Variants in KAZN observed in about 807,000 individuals in gnomAD.
KAZN encodes the protein kazrin, periplakin interacting protein.
In KAZN, 40 loss-of-function variants were observed where a neutral mutation model predicts 87.4. The observed-to-expected ratio is 0.46, with a 90% confidence interval of 0.36 to 0.60. The LOEUF is 0.60. KAZN is among the 20% of genes least tolerant of loss of function. The pLI is 0.00. For missense variants in KAZN, 898 were observed against 1,073.9 expected (o/e 0.84, Z 2.29); for synonymous variants, 466 against 458.3 (o/e 1.02, Z -0.22).
chr1:14,982,417 ATTTTTTTTTTTTTTTTT>A (rs71000353), intron 2 of KAZN, among the ~76,000 whole-genome samples: 1 of 64,790 alleles, frequency 1.5e-5, no homozygotes, highest in Admixed American at 2.1e-4. Flanking sequence ...AGCACCTGAG[ATTTTTTTTTTTTTTTTT>A]TTTTTTTTTT....
chr1:14,605,146 G>T (rs558505295), intron 1 of KAZN, among the ~76,000 whole-genome samples: 7 of 152,174 alleles, frequency 4.6e-5, no homozygotes, highest in Non-Finnish European at 1.0e-4. Flanking sequence ...GCCACAAGAC[G>T]CTGGGGATTC....
intron 1 of KAZN, among the ~76,000 whole-genome samples, chr1:14,654,567 C>A (rs1000870061): frequency 6.6e-6 from 1 of 152,116 alleles, no homozygotes; most frequent in Non-Finnish European, 1.5e-5. Flanking sequence ...CCCACCCCAG[C>A]CTCCCACATT....
chr1:13,902,991 C>A (rs948216496), intron 1 of KAZN, among the ~76,000 whole-genome samples: 18 of 152,158 alleles, frequency 1.2e-4, no homozygotes, highest in African/African-American at 4.3e-4. Context: ...GTGATGGGAA[C>A]CACAAGGCAA....
At chr1:15,087,545 A>G (rs1287676110) in intron 8 of KAZN, among the ~76,000 whole-genome samples, 3 of 152,084 alleles carry the variant, frequency 2.0e-5, no homozygotes, top group Admixed American at 1.3e-4. Flanking sequence ...GGCATGCACC[A>G]CCATGCCCAG....
At chr1:15,037,560 G>T (rs370557669) in intron 3 of KAZN, among the ~76,000 whole-genome samples, 1 of 152,112 alleles carries the variant, frequency 6.6e-6, no homozygotes, top group Non-Finnish European at 1.5e-5. Context: ...GAAAGCAAGG[G>T]GGGTAGGGGC....
At chr1:14,301,252 T>A (rs1208752233) in intron 2 of KAZN, among the ~76,000 whole-genome samples, 5 of 152,198 alleles carry the variant, frequency 3.3e-5, no homozygotes, top group Non-Finnish European at 1.5e-5. Flanking sequence ...ATTTGCTCTA[T>A]CTGATGACAA....
At chr1:15,065,882 G>A (rs762045780) in intron 8 of KAZN, 129 bp downstream of exon 8, 32 of 1,505,886 alleles carry the variant, frequency 2.1e-5, no homozygotes, top group Middle Eastern at 2.0e-4. Flanking sequence ...GCGTGTGGCC[G>A]TGCGTGGGGT....
intron 1 of KAZN, among the ~76,000 whole-genome samples, chr1:14,886,188 G>C (rs1654026520): frequency 6.6e-6 from 1 of 152,118 alleles, no homozygotes; most frequent in Non-Finnish European, 1.5e-5. Context: ...TTGGGAGGAT[G>C]AGGTGGGAAG....
chr1:15,019,831 C>T (rs1193542345), intron 2 of KAZN, among the ~76,000 whole-genome samples: 1 of 152,202 alleles, frequency 6.6e-6, no homozygotes, highest in African/African-American at 2.4e-5. Flanking sequence ...ACGGCTGTTA[C>T]TGTGGTGATT....
intron 5 of KAZN, among the ~76,000 whole-genome samples, chr1:15,059,721 G>A (rs1638619628): frequency 6.6e-6 from 1 of 152,160 alleles, no homozygotes; most frequent in Admixed American, 6.5e-5. Flanking sequence ...ACCGATTTGG[G>A]GCAGTGGTTA....
At chr1:14,272,309 A>G (rs1002939553) in intron 2 of KAZN, among the ~76,000 whole-genome samples, 6 of 152,170 alleles carry the variant, frequency 3.9e-5, no homozygotes, top group African/African-American at 1.4e-4. Flanking sequence ...TGGCGATGGC[A>G]GAAGTTCAAG....
At chr1:14,091,685 G>A (rs909126860) in intron 1 of KAZN, among the ~76,000 whole-genome samples, 4 of 152,050 alleles carry the variant, frequency 2.6e-5, no homozygotes, top group Non-Finnish European at 4.4e-5. Context: ...CATAACTTTT[G>A]GGGGCCTATG....
At chr1:14,026,573 G>A (rs1246675289) in intron 1 of KAZN, among the ~76,000 whole-genome samples, 5 of 152,136 alleles carry the variant, frequency 3.3e-5, no homozygotes, top group African/African-American at 9.7e-5. Context: ...ATAATTTGTC[G>A]AGTGCCAGCC....
intron 2 of KAZN, among the ~76,000 whole-genome samples, chr1:14,316,857 T>C (rs1388356547): frequency 1.3e-5 from 2 of 152,000 alleles, no homozygotes; most frequent in Non-Finnish European, 2.9e-5. Flanking sequence ...TTTTCTATCA[T>C]TGGTTTCTAA....
At chr1:14,559,066 C>T (rs747709648) in intron 2 of KAZN, among the ~76,000 whole-genome samples, 2 of 152,180 alleles carry the variant, frequency 1.3e-5, no homozygotes, top group Non-Finnish European at 2.9e-5. Context: ...GATCTTTTAG[C>T]TCAAGCACCT....
chr1:14,650,992 G>A (rs1013089731), intron 1 of KAZN, among the ~76,000 whole-genome samples: 21 of 152,152 alleles, frequency 1.4e-4, no homozygotes, highest in Middle Eastern at 3.2e-3. Context: ...ACCTACCTCC[G>A]CAGTGACTTT....
intron 2 of KAZN, among the ~76,000 whole-genome samples, chr1:15,002,691 C>A (rs1439382355): frequency 6.6e-6 from 1 of 152,038 alleles, no homozygotes; most frequent in Non-Finnish European, 1.5e-5. Context: ...AAAACACACA[C>A]ACGGCTGGGC....
chr1:14,709,967 T>C (rs946516534), intron 1 of KAZN, among the ~76,000 whole-genome samples: 1 of 152,114 alleles, frequency 6.6e-6, no homozygotes, highest in South Asian at 2.1e-4. Context: ...CAAGGGAAGT[T>C]TCTGGTCTTC....
chr1:14,021,810 C>T (rs925476339), intron 1 of KAZN, among the ~76,000 whole-genome samples: 12 of 152,098 alleles, frequency 7.9e-5, no homozygotes, highest in African/African-American at 2.7e-4. Flanking sequence ...TCTTTATGTT[C>T]CCTGGGGAAG....
Sources: allele counts gnomAD v4.1 joint callset (sites outside exome capture counted in the v4.1 genomes callset), GRCh38; gene constraint gnomAD v4.1.1; transcripts MANE v1.5; gene names NCBI Gene and HGNC (gene_info 2026-07-23, HGNC 2026-07-21).